The following DGLUCY variants were observed in gnomAD, a reference collection of about 807,000 sequenced individuals.
DGLUCY encodes D-glutamate cyclase, mitochondrial.
DGLUCY carries 58 observed loss-of-function variants against 58.5 expected under a neutral mutation model. The ratio of observed to expected loss-of-function variants is 0.99; its 90% CI spans 0.80 to 1.23. The LOEUF (loss-of-function observed/expected upper bound fraction) is 1.23, where lower values mean the gene tolerates loss of function less well. Ranked by LOEUF, DGLUCY falls within the 50% of genes most tolerant of loss-of-function variation. The pLI, the probability that DGLUCY is intolerant of heterozygous loss-of-function variation, is 0.00. For missense variants in DGLUCY, 779 were observed against 784.7 expected (o/e 0.99, Z 0.09); for synonymous variants, 325 against 314.1 (o/e 1.03, Z -0.37).
intron 1 of DGLUCY, among the ~76,000 whole-genome samples, chr14:91,129,303 G>T (rs1279829174): frequency 2.0e-5 from 3 of 152,082 alleles, no homozygotes; most frequent in African/African-American, 7.2e-5. Context: ...CCAGTCATGT[G>T]CTCTCCTGTC....
chr14:91,185,946 TTAAA>T (rs1419967722), intron 8 of DGLUCY, among the ~76,000 whole-genome samples: 7 of 152,104 alleles, frequency 4.6e-5, no homozygotes, highest in African/African-American at 1.4e-4. Context: ...CCCCACTATA[TTAAA>T]TAAGCAGATA....
At chr14:91,215,600 C>T (rs1886395880) in intron 13 of DGLUCY, 44 bp downstream of exon 13, 1 of 1,611,822 alleles carries the variant, frequency 6.2e-7, no homozygotes, top group African/African-American at 1.3e-5. Flanking sequence ...CAGCTTTTAC[C>T]CTGGATGAGC....
intron 12 of DGLUCY, among the ~76,000 whole-genome samples, chr14:91,205,590 G>A (rs1884432427): frequency 6.6e-6 from 1 of 152,160 alleles, no homozygotes; most frequent in Admixed American, 6.5e-5. Context: ...AAGTATGAGA[G>A]TTTAAAACTC....
intron 1 of DGLUCY, among the ~76,000 whole-genome samples, chr14:91,078,162 G>A (rs527850504): frequency 7.2e-5 from 11 of 152,210 alleles, no homozygotes; most frequent in African/African-American, 2.4e-4. Flanking sequence ...CCGAGTAGCT[G>A]GAATTACAGA....
rs889705621 is a variant in DGLUCY at position 91,124,295 on chromosome 14, C to G, written c.-82+10012C>G. Among the ~76,000 whole-genome samples, 8 of 152,174 alleles carry G rather than the reference C, an allele frequency of 5.3e-5. No homozygotes were observed. In the South Asian group the frequency reaches 1.7e-3, roughly 31 times the overall value. Reference sequence around the variant, plus strand: ...GAAGCAGCTGCTCCTCACTAATTTGCTGTCAAGGAGCTGAGCAGATGGAAG... The same window carrying G: ...GAAGCAGCTGCTCCTCACTAATTTGGTGTCAAGGAGCTGAGCAGATGGAAG... On this transcript the variant is annotated intron_variant, in intron 1 of 13. Transcript: ENST00000256324.
At chr14:91,102,736 A>AGT (rs1288611586) in intron 1 of DGLUCY, among the ~76,000 whole-genome samples, 3,154 of 60,706 alleles carry the variant, frequency 0.052, 80 homozygotes, top group Admixed American at 0.084. Flanking sequence ...GACCCCTTCC[A>AGT]GTGTGTATGT....
At chr14:91,062,210 A>G (rs1304416572) in intron 1 of DGLUCY, among the ~76,000 whole-genome samples, 1 of 152,132 alleles carries the variant, frequency 6.6e-6, no homozygotes, top group Non-Finnish European at 1.5e-5. Flanking sequence ...GTTTTCATGT[A>G]TCGTAATATA....
At chr14:91,084,608 CA>C (rs1450853360) in intron 1 of DGLUCY, among the ~76,000 whole-genome samples, 2 of 152,172 alleles carry the variant, frequency 1.3e-5, no homozygotes, top group East Asian at 3.9e-4. Flanking sequence ...CAGTCTGCAC[CA>C]ATCTCTAGCC....
chr14:91,190,949 G>C (rs2049848229), intron 9 of DGLUCY, among the ~76,000 whole-genome samples: 1 of 152,172 alleles, frequency 6.6e-6, no homozygotes, highest in Non-Finnish European at 1.5e-5. Flanking sequence ...GGTTTGGAGT[G>C]GGGGTGCCTC....
upstream of DGLUCY, among the ~76,000 whole-genome samples, chr14:91,105,141 C>A (rs1027140009): frequency 1.3e-5 from 2 of 151,992 alleles, no homozygotes; most frequent in Admixed American, 1.3e-4. Context: ...ATGTTGAAAC[C>A]CTGTCTCTAC....
At chr14:91,141,992 C>A (rs1177613673) in intron 1 of DGLUCY, among the ~76,000 whole-genome samples, 1 of 151,954 alleles carries the variant, frequency 6.6e-6, no homozygotes, top group African/African-American at 2.4e-5. Context: ...ACTAGAGGTA[C>A]GTAGCATCAC....
intron 1 of DGLUCY, among the ~76,000 whole-genome samples, chr14:91,135,802 A>G (rs937859799): frequency 1.7e-4 from 26 of 151,046 alleles, no homozygotes; most frequent in African/African-American, 6.1e-4. Flanking sequence ...TTTTTTCTGC[A>G]TTTATTGAGA....
chr14:91,171,263 A>G (rs2048560728), intron 5 of DGLUCY, among the ~76,000 whole-genome samples: 1 of 152,228 alleles, frequency 6.6e-6, no homozygotes, highest in South Asian at 2.1e-4. Context: ...CCATCTGTAC[A>G]ATGTCAATAA....
intron 1 of DGLUCY, among the ~76,000 whole-genome samples, chr14:91,074,209 T>G (rs1595610213): frequency 1.5e-5 from 2 of 134,426 alleles, no homozygotes; most frequent in Admixed American, 1.6e-4. Flanking sequence ...GGTGGGAAGA[T>G]CACATGAGCC....
rs571166481 is a variant in DGLUCY, at chr14:91,178,360, C to G, written c.730+2304C>G. 2.0e-5 allele frequency among the ~76,000 whole-genome samples: 3 copies of G among 152,152 alleles called. No homozygotes were observed. The East Asian group carries it at 5.8e-4, about 29-fold the overall frequency. On this transcript the variant is annotated intron_variant, in intron 7 of 13. Transcript: ENST00000256324. ...TTAAATTTTTGTGGAGATGGGGTCT[C>G]ACTATGTTGCCCAAGCTGGTCTTGA...
At chr14:91,139,384 A>T (rs948965123) in intron 1 of DGLUCY, among the ~76,000 whole-genome samples, 2 of 152,142 alleles carry the variant, frequency 1.3e-5, no homozygotes, top group Non-Finnish European at 2.9e-5. Flanking sequence ...ACCCTCACAG[A>T]TGTACCCAGA....
intron 13 of DGLUCY, chr14:91,216,057 G>A: frequency 3.9e-6 from 1 of 253,278 alleles, no homozygotes; most frequent in South Asian, 4.7e-5. Context: ...GCTGGAGGCT[G>A]CAAGGAATAA....
chr14:91,096,472 T>C (rs886576131), intron 1 of DGLUCY, among the ~76,000 whole-genome samples: 2 of 151,828 alleles, frequency 1.3e-5, no homozygotes, highest in African/African-American at 4.8e-5. Flanking sequence ...TTATTGAAAA[T>C]TGGGGAGTGC....
chr14:91,167,484 C>CA, intron 4 of DGLUCY, 106 bp downstream of exon 4: 1 of 1,412,684 alleles, frequency 7.1e-7, no homozygotes, highest in Non-Finnish European at 1.0e-6. Flanking sequence ...GGGACCTTCA[C>CA]AGTGCCTGGC....
Sources: gnomAD v4.1 joint callset for allele counts (sites outside exome capture counted in the v4.1 genomes callset) on GRCh38, gnomAD v4.1.1 for gene constraint, MANE v1.5 for transcripts, NCBI Gene and HGNC (gene_info 2026-07-23, HGNC 2026-07-21) for gene names.